The following POLN variants were observed in gnomAD, a reference collection of about 807,000 sequenced individuals.
POLN encodes the protein DNA polymerase nu, also known as DNA polymerase N.
Under a neutral mutation model 113.5 loss-of-function variants are expected in POLN, and 108 were observed. The ratio of observed to expected loss-of-function variants is 0.95; its 90% confidence interval spans 0.81 to 1.12. The LOEUF is 1.12. Ranked by LOEUF, POLN falls within the 50% of genes most tolerant of loss-of-function variation. The pLI, the probability that POLN is intolerant of heterozygous loss-of-function variation, is 0.00. For missense variants in POLN, 1,097 were observed against 1,077.1 expected, an observed-to-expected ratio of 1.02 and a Z score of -0.26; for synonymous variants, 386 against 391.5, an observed-to-expected ratio of 0.99 and a Z score of 0.17.
intron 4 of POLN, among the ~76,000 whole-genome samples, chr4:2,209,519 G>A (rs868317362): frequency 1.3e-4 from 20 of 150,314 alleles, no homozygotes; most frequent in African/African-American, 4.9e-4. Flanking sequence ...CAGCTCAATA[G>A]CAGTTCTCTC....
intron 16 of POLN, among the ~76,000 whole-genome samples, chr4:2,144,143 C>CTTTT (rs955583573): frequency 3.9e-5 from 5 of 127,012 alleles, no homozygotes; most frequent in Admixed American, 8.0e-5. Context: ...AAAATTTGTT[C>CTTTT]TTTTTTTTTT....
At chr4:2,188,988 A>T (rs1399146942) in intron 7 of POLN, among the ~76,000 whole-genome samples, 1 of 91,368 alleles carries the variant, frequency 1.1e-5, no homozygotes, top group Non-Finnish European at 1.9e-5. Flanking sequence ...ACAACTTGTT[A>T]TAACTATAAG....
At chr4:2,137,783 G>C (rs1343076899) in intron 16 of POLN, among the ~76,000 whole-genome samples, 1 of 151,988 alleles carries the variant, frequency 6.6e-6, no homozygotes, top group African/African-American at 2.4e-5. Flanking sequence ...ATGCGTATTG[G>C]CTGTCTCATG....
At chr4:2,101,052 G>A (rs1730910322) in intron 19 of POLN, among the ~76,000 whole-genome samples, 1 of 152,036 alleles carries the variant, frequency 6.6e-6, no homozygotes, top group South Asian at 2.1e-4. Context: ...ATTGACCTGG[G>A]ACAACTGGCT....
chr4:2,227,046 C>T (rs1734415727), intron 3 of POLN, among the ~76,000 whole-genome samples: 1 of 152,348 alleles, frequency 6.6e-6, no homozygotes, highest in South Asian at 2.1e-4. Context: ...CTCTTGGTAT[C>T]ATGTCCTCAC....
intron 13 of POLN, among the ~76,000 whole-genome samples, chr4:2,159,604 T>C (rs184324693): frequency 4.7e-4 from 72 of 152,244 alleles, no homozygotes; most frequent in Admixed American, 4.6e-3. Flanking sequence ...AACATACCTA[T>C]AGGAAAGTGC....
rs1220551437 is a variant in POLN at position 2,153,631 on chromosome 4, TG to T, written c.1731+3156del. Among the ~76,000 whole-genome samples the T allele has an allele frequency of 4.0e-5, 6 of 151,880 alleles. No individual in the cohort carries two copies. The East Asian group carries it at 9.8e-4, about 25-fold the overall frequency. On this transcript the variant is annotated intron_variant, in intron 16 of 25. Coordinates refer to ENST00000511885, the MANE Select transcript of POLN (RefSeq NM_181808.4). ...TGGAGTCTCGCTCTGTCACCCAGGC[TG>T]GAGTGCAGTGGCGCCATCTCAGCTC... is the stretch of plus-strand genomic sequence containing the variant.
intron 20 of POLN, among the ~76,000 whole-genome samples, chr4:2,091,024 C>T (rs1730650880): frequency 6.6e-6 from 1 of 152,224 alleles, no homozygotes; most frequent in Non-Finnish European, 1.5e-5. Context: ...ACAGCATCAA[C>T]TGAGGTTTGC....
intron 18 of POLN, 88 bp downstream of exon 18, chr4:2,129,091 G>C: frequency 3.5e-6 from 2 of 565,188 alleles, no homozygotes; most frequent in Non-Finnish European, 6.0e-6. Flanking sequence ...TTATTTGAAA[G>C]AATGAATTCC....
At chr4:2,163,036 A>AAC (rs1340865076) in intron 13 of POLN, among the ~76,000 whole-genome samples, 26 of 150,348 alleles carry the variant, frequency 1.7e-4, no homozygotes, top group African/African-American at 6.2e-4. Flanking sequence ...CCAAAAAAAA[A>AAC]AAAAAAAAAA....
At chr4:2,084,512 C>A (rs933232387) in intron 21 of POLN, among the ~76,000 whole-genome samples, 3 of 152,238 alleles carry the variant, frequency 2.0e-5, no homozygotes, top group African/African-American at 7.2e-5. Context: ...GTGTCTCAGG[C>A]GCTGTGGAGG....
intron 2 of POLN, chr4:2,240,243 T>G: frequency 3.1e-6 from 5 of 1,613,786 alleles, no homozygotes; most frequent in Non-Finnish European, 4.2e-6. Flanking sequence ...AAAATTGTCT[T>G]CATTTGAACT....
chr4:2,157,966 T>TG, intron 14 of POLN, 55 bp from the exon 15 acceptor site: 7 of 1,428,832 alleles, frequency 4.9e-6, no homozygotes, highest in East Asian at 2.3e-5. Context: ...TCTTTTTTTG[T>TG]GGGGGGAAGG....
Position 2,198,615 on chromosome 4 carries a change from C to T in POLN, c.817G>A (p.Gly273Ser), listed in dbSNP as rs750860059. The T allele has an allele frequency of 5.0e-6, 8 of 1,613,772 alleles. No homozygotes were observed. Among genetic ancestry groups the T allele is most frequent in the Non-Finnish European group, 6.8e-6 (8 of 1,179,978 alleles). The change falls in exon 6 of 26, where the codon GGC becomes AGC. Residue 273 changes from glycine to serine, a missense_variant. Transcript: ENST00000511885. ...DAPACGPVLE[G>S]FVSDDPCIYI... is the part of the protein sequence containing the mutation. Reference sequence around the variant, plus strand: ...ATGCATGGATCATCTGACACAAAGCCCTCCAGAACAGGACCACAGGCCGGG... The same window carrying T: ...ATGCATGGATCATCTGACACAAAGCTCTCCAGAACAGGACCACAGGCCGGG...
chr4:2,167,235 C>A (rs755477728), intron 13 of POLN, among the ~76,000 whole-genome samples: 11 of 152,206 alleles, frequency 7.2e-5, no homozygotes, highest in Non-Finnish European at 1.6e-4. Flanking sequence ...AAGCAACTCC[C>A]AGAAATGATG....
In POLN at chr4:2,181,060, C is replaced by T. The variant is rs767926090; in HGVS notation, c.1022-1595G>A. 3.3e-5 allele frequency among the ~76,000 whole-genome samples: 5 copies of T among 151,110 alleles called. No individual in the cohort carries two copies. In the East Asian group the frequency reaches 9.6e-4, roughly 29 times the overall value. On this transcript the variant is annotated intron_variant, in intron 7 of 25. Coordinates refer to ENST00000511885, the MANE Select transcript of POLN (RefSeq NM_181808.4). Reference sequence around the variant, plus strand: ...TTCAGAAATAAAAACTAAACTGGCGCAAGACACAAAAGCAAATAAACATAA... The same window carrying T: ...TTCAGAAATAAAAACTAAACTGGCGTAAGACACAAAAGCAAATAAACATAA...
intron 20 of POLN, among the ~76,000 whole-genome samples, chr4:2,092,913 A>G (rs1034172714): frequency 2.0e-5 from 3 of 152,228 alleles, no homozygotes; most frequent in African/African-American, 7.2e-5. Context: ...GCCTAAGCCC[A>G]CAGCAGTGGA....
At chr4:2,240,447 T>A (rs1734937736) in intron 2 of POLN, 1 of 1,613,832 alleles carries the variant, frequency 6.2e-7, no homozygotes, top group Admixed American at 1.7e-5. Flanking sequence ...AGTAAGAGCC[T>A]GAAGTTCATT....
chr4:2,240,508 T>G (rs976538714), intron 2 of POLN: 1 of 1,613,908 alleles, frequency 6.2e-7, no homozygotes, highest in Non-Finnish European at 8.5e-7. Flanking sequence ...TGCTTCAGCT[T>G]TTTAGTGGCT....
Sources: gnomAD v4.1 joint callset for allele counts (sites outside exome capture counted in the v4.1 genomes callset) on GRCh38, gnomAD v4.1.1 for gene constraint, MANE v1.5 for transcripts, NCBI Gene and HGNC (gene_info 2026-07-23, HGNC 2026-07-21) for gene names.